The following LMNTD1 variants were observed in gnomAD, a reference collection of about 807,000 sequenced individuals.
The protein encoded by LMNTD1 is lamin tail domain-containing protein 1.
In LMNTD1, 35 loss-of-function variants were observed where a neutral mutation model predicts 50.9. The ratio of observed to expected loss-of-function variants is 0.69; its 90% CI spans 0.53 to 0.91. The LOEUF (loss-of-function observed/expected upper bound fraction) is 0.91, where lower values mean the gene tolerates loss of function less well. Among genes scored for constraint, LMNTD1 ranks in the 40% least tolerant of loss-of-function variants. LMNTD1 has a pLI of 0.00. For missense variants in LMNTD1, 470 were observed against 475.5 expected (o/e 0.99, Z 0.11); for synonymous variants, 153 against 161.9 (o/e 0.94, Z 0.42).
intron 7 of LMNTD1, among the ~76,000 whole-genome samples, chr12:25,519,586 T>TAAAAAAAAAAAAAAAAAAAA (rs781742784): frequency 0.013 from 970 of 74,738 alleles, 197 homozygotes; most frequent in African/African-American, 0.015. Context: ...AGACTCTGTC[T>TAAAAAAAAAAAAAAAAAAAA]CAAAAAAAAA....
intron 2 of LMNTD1, among the ~76,000 whole-genome samples, chr12:25,552,581 G>GAAAAA (rs55848800): frequency 0.011 from 611 of 58,130 alleles, 55 homozygotes; most frequent in African/African-American, 0.03. Flanking sequence ...CACTCTGTCT[G>GAAAAA]AAAAAAAAAA....
In LMNTD1 at chr12:25,501,287, A is replaced by G. The variant is rs578100428; in HGVS notation, c.*22+2451T>C. Among the ~76,000 whole-genome samples, 9 of 152,150 alleles carry G rather than the reference A, an allele frequency of 5.9e-5. 1 individual carries two copies. The highest frequency in any genetic ancestry group is 1.3e-4 in the Non-Finnish European group (9 of 68,012). On this transcript the variant is annotated intron_variant, in intron 9 of 9. Transcript: ENST00000458174. ...TTTACAGGTGTGAGCCACTGTGCCC[A>G]GCCATGAGATCGAACTTTCATTGCT...
At chr12:25,603,868 G>A (rs1380636544) in intron 1 of LMNTD1, among the ~76,000 whole-genome samples, 3 of 151,962 alleles carry the variant, frequency 2.0e-5, no homozygotes, top group African/African-American at 7.2e-5. Flanking sequence ...ACCGAAAAAT[G>A]GCATGACATT....
chr12:25,505,760 G>GT (rs1334124048), intron 8 of LMNTD1, among the ~76,000 whole-genome samples: 2 of 151,916 alleles, frequency 1.3e-5, no homozygotes, highest in Non-Finnish European at 2.9e-5. Context: ...ACAGTAATGA[G>GT]TTTTTTCTAT....
At chr12:25,628,107 CAAAAAAAAAAAAAAAAAAA>C (rs58780549) in intron 1 of LMNTD1, among the ~76,000 whole-genome samples, 2 of 52,450 alleles carry the variant, frequency 3.8e-5, no homozygotes, top group Admixed American at 3.4e-4. Flanking sequence ...AACTCCGTCT[CAAAAAAAAAAAAAAAAAAA>C]AAAAAAAAAA....
At chr12:25,502,588 C>T (rs10505967) in intron 9 of LMNTD1, among the ~76,000 whole-genome samples, 29,136 of 152,170 alleles carry the variant, frequency 0.19, 3,524 homozygotes, top group Non-Finnish European at 0.29. Context: ...TGGTAAATAA[C>T]CTCTTCAGAC....
intron 1 of LMNTD1, among the ~76,000 whole-genome samples, chr12:25,567,688 T>G (rs1055336133): frequency 4.6e-5 from 7 of 152,002 alleles, no homozygotes; most frequent in Non-Finnish European, 7.4e-5. Flanking sequence ...ACCTCCTCCC[T>G]TGCCATCTTG....
At chr12:25,600,040 T>A (rs1945926375) in intron 1 of LMNTD1, among the ~76,000 whole-genome samples, 1 of 152,014 alleles carries the variant, frequency 6.6e-6, no homozygotes, top group African/African-American at 2.4e-5. Context: ...TTACCTGACT[T>A]CAAATTATAC....
intron 1 of LMNTD1, among the ~76,000 whole-genome samples, chr12:25,559,610 G>T (rs1415989127): frequency 6.6e-6 from 1 of 152,174 alleles, no homozygotes; most frequent in African/African-American, 2.4e-5. Context: ...AGATCCTTGA[G>T]GAATCACCAC....
At chr12:25,585,926 A>G (rs528031664) in intron 1 of LMNTD1, 1 of 152,372 alleles carries the variant, frequency 6.6e-6, no homozygotes, top group South Asian at 2.1e-4. Context: ...AGATGAAGAA[A>G]CTAAGTCGCA....
chr12:25,535,860 A>G (rs1236193697), intron 4 of LMNTD1, among the ~76,000 whole-genome samples: 1 of 152,174 alleles, frequency 6.6e-6, no homozygotes, highest in African/African-American at 2.4e-5. Flanking sequence ...AGACACAAAT[A>G]GTTAAAAAGT....
intron 1 of LMNTD1, among the ~76,000 whole-genome samples, chr12:25,634,629 G>A (rs1946788347): frequency 6.6e-6 from 1 of 151,646 alleles, no homozygotes; most frequent in Non-Finnish European, 1.5e-5. Context: ...AAAACTCTCA[G>A]CAAAATTGGC....
chr12:25,648,183 A>G (rs547991884), intron 1 of LMNTD1, among the ~76,000 whole-genome samples: 2 of 152,330 alleles, frequency 1.3e-5, no homozygotes, highest in South Asian at 4.1e-4. Flanking sequence ...TTACACACTA[A>G]TATGTCATTC....
intron 1 of LMNTD1, among the ~76,000 whole-genome samples, chr12:25,646,429 T>G (rs1170826107): frequency 6.6e-6 from 1 of 152,176 alleles, no homozygotes; most frequent in African/African-American, 2.4e-5. Context: ...TGATCTCTCT[T>G]TCCAATGGTC....
At chr12:25,612,164 G>T (rs1444331458) in intron 1 of LMNTD1, among the ~76,000 whole-genome samples, 1 of 152,146 alleles carries the variant, frequency 6.6e-6, no homozygotes, top group Non-Finnish European at 1.5e-5. Context: ...TAGATGGAGA[G>T]ATAGCAAAAT....
At chr12:25,498,822 T>C (rs1939215940) in intron 9 of LMNTD1, among the ~76,000 whole-genome samples, 1 of 152,182 alleles carries the variant, frequency 6.6e-6, no homozygotes, top group South Asian at 2.1e-4. Flanking sequence ...CTCTCCTGTG[T>C]GATGAAGGTT....
At chr12:25,500,981 CTGTT>C (rs35914975) in intron 9 of LMNTD1, among the ~76,000 whole-genome samples, 64,897 of 151,632 alleles carry the variant, frequency 0.43, 15,178 homozygotes, top group Non-Finnish European at 0.55. Flanking sequence ...TTGTTTTTGT[CTGTT>C]TGTTTGTTTT....
intron 7 of LMNTD1, among the ~76,000 whole-genome samples, chr12:25,519,207 T>G (rs1204389046): frequency 6.6e-6 from 1 of 152,174 alleles, no homozygotes; most frequent in Non-Finnish European, 1.5e-5. Context: ...AATGCACCTC[T>G]CCCTCCACCT....
intron 1 of LMNTD1, among the ~76,000 whole-genome samples, chr12:25,560,358 T>C (rs1287381753): frequency 2.6e-5 from 4 of 152,338 alleles, no homozygotes; most frequent in South Asian, 2.1e-4. Context: ...GTTGTAGATA[T>C]GTGGCATTAT....
Sources: allele counts gnomAD v4.1 joint callset (sites outside exome capture counted in the v4.1 genomes callset), GRCh38; gene constraint gnomAD v4.1.1; transcripts MANE v1.5; gene names NCBI Gene and HGNC (gene_info 2026-07-23, HGNC 2026-07-21).